SNRPN: variants seen among roughly 807,000 people sequenced by gnomAD.
SNRPN encodes the protein small nuclear ribonucleoprotein polypeptide N, also known as small nuclear ribonucleoprotein-associated protein N.
Under a neutral mutation model 25.2 loss-of-function variants are expected in SNRPN, and 7 were observed. The ratio of observed to expected loss-of-function variants is 0.28; its 90% CI spans 0.16 to 0.52. The LOEUF (loss-of-function observed/expected upper bound fraction) is 0.52, where lower values mean the gene tolerates loss of function less well. Ranked by LOEUF, SNRPN falls within the 20% of genes least tolerant of loss-of-function variation. The pLI, the probability that SNRPN is intolerant of heterozygous loss-of-function variation, is 0.96. For missense variants in SNRPN, 196 were observed against 322.5 expected, an observed-to-expected ratio of 0.61 and a Z score of 3.00; for synonymous variants, 124 against 110.6, an observed-to-expected ratio of 1.12 and a Z score of -0.76.
chr15:24,907,424 C>T (rs948929823), intron 2 of SNRPN, among the ~76,000 whole-genome samples: 3 of 151,488 alleles, frequency 2.0e-5, no homozygotes, highest in Admixed American at 6.6e-5. Flanking sequence ...GGTGAAACCC[C>T]GTCTCTACTA....
intron 4 of SNRPN, chr15:24,974,982 G>A (rs867001062): frequency 2.8e-6 from 2 of 702,914 alleles, no homozygotes; most frequent in South Asian, 1.5e-5. Context: ...GAAATAAAGA[G>A]GGCTTTGAAA....
At chr15:24,900,211 A>G (rs772069973) in intron 2 of SNRPN, among the ~76,000 whole-genome samples, 30 of 152,208 alleles carry the variant, frequency 2.0e-4, no homozygotes, top group Non-Finnish European at 4.3e-4. Flanking sequence ...AACAGAAAAT[A>G]ACAAGCTTAG....
At chr15:24,835,674 A>T (rs976481464) in intron 2 of SNRPN, among the ~76,000 whole-genome samples, 1 of 152,112 alleles carries the variant, frequency 6.6e-6, no homozygotes, top group Non-Finnish European at 1.5e-5. Context: ...TAAAATGAAG[A>T]CTATGAAATG....
Position 24,965,725 on chromosome 15 carries a change from A to C in SNRPN, c.-294-2207A>C, listed in dbSNP as rs143564773. On this transcript the variant is annotated intron_variant, in intron 2 of 9. Transcript: ENST00000390687. ...TATGCTAAGCTTCACATGTCTTTTC[A>C]AATTAATATTCTGCACTCTATGAAT... Among the ~76,000 whole-genome samples the C allele has an allele frequency of 1.7e-3, 260 of 152,268 alleles. 6 individuals carry two copies. The highest frequency in any genetic ancestry group is 0.015 in the Admixed American group (230 of 15,292).
At chr15:24,910,596 G>A (rs1266865052) in intron 2 of SNRPN, among the ~76,000 whole-genome samples, 2 of 152,074 alleles carry the variant, frequency 1.3e-5, no homozygotes, top group African/African-American at 4.8e-5. Flanking sequence ...CCGGGTTCAA[G>A]TGATTCTCCT....
chr15:24,876,327 A>G (rs2055872029), intron 1 of SNRPN, among the ~76,000 whole-genome samples: 1 of 152,118 alleles, frequency 6.6e-6, no homozygotes, highest in African/African-American at 2.4e-5. Flanking sequence ...CAGATTAAAG[A>G]TACTGTAGGT....
At chr15:24,886,779 T>C (rs1197042139) in intron 2 of SNRPN, among the ~76,000 whole-genome samples, 1 of 152,210 alleles carries the variant, frequency 6.6e-6, no homozygotes, top group Non-Finnish European at 1.5e-5. Flanking sequence ...GTTGCACACC[T>C]AAAAAGGGAC....
intron 1 of SNRPN, among the ~76,000 whole-genome samples, chr15:24,885,903 G>A (rs2057164473): frequency 6.6e-6 from 1 of 152,088 alleles, no homozygotes; most frequent in South Asian, 2.1e-4. Context: ...AAATAATAGC[G>A]TGAACAGACC....
At chr15:24,954,615 C>CT (rs2062543569), upstream of SNRPN, among the ~76,000 whole-genome samples, 3 of 152,172 alleles carry the variant, frequency 2.0e-5, no homozygotes, top group South Asian at 4.1e-4. Context: ...TCCAAACCAG[C>CT]TTTTTTGTAC....
intron 2 of SNRPN, among the ~76,000 whole-genome samples, chr15:24,915,089 G>C (rs180878247): frequency 2.0e-5 from 3 of 151,818 alleles, no homozygotes; most frequent in Non-Finnish European, 2.9e-5. Flanking sequence ...TATCAAGGGT[G>C]ATCAGATATC....
intron 2 of SNRPN, among the ~76,000 whole-genome samples, chr15:24,899,125 CTT>C (rs1444247712): frequency 3.3e-5 from 5 of 152,160 alleles, no homozygotes; most frequent in Admixed American, 1.3e-4. Flanking sequence ...TTCCAAGACT[CTT>C]TTACATTATG....
At chr15:24,956,763 C>G (rs900245772) in intron 1 of SNRPN, among the ~76,000 whole-genome samples, 1 of 152,152 alleles carries the variant, frequency 6.6e-6, no homozygotes, top group African/African-American at 2.4e-5. Flanking sequence ...CCACCCCTTA[C>G]CCACGGTGCA....
upstream of SNRPN, among the ~76,000 whole-genome samples, chr15:24,953,911 G>A (rs182263735): frequency 1.5e-3 from 231 of 152,198 alleles, 1 homozygote; most frequent in Non-Finnish European, 1.9e-3. Context: ...AAGCCTCTGC[G>A]CACCTGTTTT....
chr15:24,871,907 A>G (rs112777918), intron 1 of SNRPN, among the ~76,000 whole-genome samples: 1,474 of 117,656 alleles, frequency 0.013, 350 homozygotes, highest in African/African-American at 0.038. Flanking sequence ...GGGTTTCACC[A>G]TGTTAGCCAG....
At position 24,968,167 on chromosome 15, in the gene SNRPN, T is replaced by C. The variant is rs925195149; in HGVS notation, c.-144+85T>C. 3.6e-6 allele frequency: 3 copies of C among 823,018 alleles called. No individual in the cohort carries two copies. The African/African-American group carries it at 5.1e-5, about 14-fold the overall frequency. The allele number at this position is 823,018 out of a possible 1,614,324, so 51.0% of individuals were successfully genotyped here. A position where few individuals can be genotyped will look rare whatever the true frequency, so the allele number is the denominator to read the frequency against. On this transcript the variant is annotated intron_variant, in intron 3 of 9. Coordinates refer to ENST00000390687, the MANE Select transcript of SNRPN (RefSeq NM_003097.6). ...GGTTCTCTTAATTATCAGTGACACA[T>C]TAATTTTTTTCCTTAGAGCTTCATA...
At chr15:24,878,033 T>G (rs540226573) in intron 1 of SNRPN, among the ~76,000 whole-genome samples, 1 of 152,178 alleles carries the variant, frequency 6.6e-6, no homozygotes, top group Non-Finnish European at 1.5e-5. Flanking sequence ...CACATAAAAT[T>G]TGATTGTAAA....
chr15:24,848,783 G>T (rs921173901), intron 2 of SNRPN: 2 of 151,964 alleles, frequency 1.3e-5, no homozygotes, highest in African/African-American at 4.8e-5. Context: ...GAGAGGTGTT[G>T]TAGGGGCTTC....
intron 2 of SNRPN, among the ~76,000 whole-genome samples, chr15:24,887,963 G>A (rs536452968): frequency 1.3e-5 from 2 of 152,176 alleles, no homozygotes; most frequent in South Asian, 4.2e-4. Context: ...TAAGAGCCAA[G>A]CATAATGTAA....
intron 2 of SNRPN, among the ~76,000 whole-genome samples, chr15:24,893,304 T>C (rs2057827269): frequency 6.6e-6 from 1 of 151,604 alleles, no homozygotes; most frequent in Admixed American, 6.6e-5. Context: ...AGGCCAACTA[T>C]TGATCATAGA....
Sources: allele counts gnomAD v4.1 joint callset (sites outside exome capture counted in the v4.1 genomes callset), GRCh38; gene constraint gnomAD v4.1.1; transcripts MANE v1.5; gene names NCBI Gene and HGNC (gene_info 2026-07-23, HGNC 2026-07-21).